Variants in LRPAP1 observed in about 807,000 individuals in gnomAD.
LRPAP1 encodes LDL receptor related protein associated protein 1, also known as alpha-2-macroglobulin receptor-associated protein.
Under a neutral mutation model 39.9 loss-of-function variants are expected in LRPAP1, and 41 were observed. The ratio of observed to expected loss-of-function variants is 1.03; its 90% CI spans 0.80 to 1.33. The LOEUF (loss-of-function observed/expected upper bound fraction) is 1.33, where lower values mean the gene tolerates loss of function less well. LRPAP1 is among the 40% of genes most tolerant of loss of function. The pLI, the probability that LRPAP1 is intolerant of heterozygous loss-of-function variation, is 0.00. For missense variants in LRPAP1, 565 were observed against 482.3 expected (o/e 1.17, Z -1.61); for synonymous variants, 263 against 212.7 (o/e 1.24, Z -2.06).
At chr4:3,518,822 G>T (rs1288834964) in intron 4 of LRPAP1, 49 bp downstream of exon 4, 3 of 1,250,702 alleles carry the variant, frequency 2.4e-6, no homozygotes, top group African/African-American at 3.0e-5. Flanking sequence ...GGGGTGGGGG[G>T]CAGGAGGGGG....
At position 3,520,104 on chromosome 4, in the gene LRPAP1, C is replaced by G; in HGVS notation, c.439G>C (p.Asp147His). ...SLSGTQEDGL[D>H]DPRLEKLWHK... ...CACAGCTTTTCCAGCCTGGGGTCAT[C>G]CAGCCCGTCTTCCTGGGTGCCACTG... The change falls in exon 3 of 8, where the codon GAT becomes CAT. Residue 147 changes from aspartate to histidine, a missense_variant. Transcript: ENST00000650182. The G allele has an allele frequency of 6.2e-7, 1 of 1,614,206 alleles. No individual in the cohort carries two copies. Among genetic ancestry groups the G allele is most frequent in the Non-Finnish European group, 8.5e-7 (1 of 1,180,028 alleles).
At chr4:3,513,144 C>T in intron 7 of LRPAP1, 108 bp from the exon 8 acceptor site, 1 of 780,556 alleles carries the variant, frequency 1.3e-6, no homozygotes. Context: ...AAGGCGCAAG[C>T]CCTGCACATC....
At position 3,512,630 on chromosome 4, in the gene LRPAP1, G is replaced by A. The variant is rs1329259899; in HGVS notation, c.*344C>T. 3.4e-6 allele frequency: 1 copy of A among 291,540 alleles called. No individual in the cohort carries two copies. Among genetic ancestry groups the A allele is most frequent in the Non-Finnish European group, 6.5e-6 (1 of 155,006 alleles). 18.1% of individuals were successfully genotyped at this position (291,540 alleles called of 1,614,324 possible). On this transcript the variant is annotated 3_prime_UTR_variant, in exon 8 of 8. Transcript: ENST00000650182. ...GCATGGTATTTCCGGTGGCAGATGTGTAAGATTTTTTATGTAAATCGTGTT... is the reference window on the plus strand; with the variant it reads ...GCATGGTATTTCCGGTGGCAGATGTATAAGATTTTTTATGTAAATCGTGTT...
In LRPAP1 at chr4:3,505,038, G is replaced by A. The variant is rs1310696968; in HGVS notation, c.*7936C>T. Reference sequence around the variant, plus strand: ...AGGAACAGACCATTGGAGACTTTAGGGATGGTTAGTGATACCAGAGGCTAA... The same window carrying A: ...AGGAACAGACCATTGGAGACTTTAGAGATGGTTAGTGATACCAGAGGCTAA... On this transcript the variant is annotated 3_prime_UTR_variant, in exon 8 of 8. Coordinates refer to ENST00000650182, the MANE Select transcript of LRPAP1 (RefSeq NM_002337.4). Among the ~76,000 whole-genome samples the A allele has an allele frequency of 6.6e-6, 1 of 152,170 alleles. No individual in the cohort carries two copies. Among genetic ancestry groups the A allele is most frequent in the Non-Finnish European group, 1.5e-5 (1 of 68,022 alleles).
At position 3,520,128 on chromosome 4, in the gene LRPAP1, T is replaced by C. The variant is rs1453612903; in HGVS notation, c.415A>G (p.Ser139Gly). The C allele has an allele frequency of 6.2e-7, 1 of 1,614,190 alleles. No individual in the cohort carries two copies. Among genetic ancestry groups the C allele is most frequent in the Non-Finnish European group, 8.5e-7 (1 of 1,180,024 alleles). Residue 139 changes from serine (S) to glycine (G), a missense_variant, in exon 3 of 8, where the codon AGT (serine) becomes GGT (glycine). By Grantham distance (56) the Ser-to-Gly change is moderately conservative (BLOSUM62 0). Transcript: ENST00000650182. ...TCCAGCCCGTCTTCCTGGGTGCCAC[T>C]GAGGGAGTTGCTGGTCACCTGCCGA... ...DARQVTSNSL[S>G]GTQEDGLDDP...
At chr4:3,525,452 C>A (rs545176445) in intron 1 of LRPAP1, among the ~76,000 whole-genome samples, 2 of 128,128 alleles carry the variant, frequency 1.6e-5, no homozygotes, top group South Asian at 5.9e-4. Flanking sequence ...CCTAGAAGTT[C>A]TTTTTTAAAA....
At position 3,522,677 on chromosome 4, in the gene LRPAP1, CCCTGCCTGGGG is replaced by C. The variant is rs1729952569; in HGVS notation, c.349+2219_349+2229del. On this transcript the variant is annotated intron_variant, in intron 2 of 7. Coordinates refer to ENST00000650182, the MANE Select transcript of LRPAP1 (RefSeq NM_002337.4). ...GGGAGGACGGACGCCGCCCCACACC[CCCTGCCTGGGG>C]AGGACAGACGCCGCCCCACACCCCC... Among the ~76,000 whole-genome samples, 2 of 108,300 alleles carry C rather than the reference CCCTGCCTGGGG, an allele frequency of 1.8e-5. 1 individual carries two copies. The highest frequency in any genetic ancestry group is 4.2e-5 in the Non-Finnish European group (2 of 47,722). 71.0% of individuals were successfully genotyped at this position (108,300 alleles called of 152,430 possible).
chr4:3,516,995 G>A (rs1051016694), intron 5 of LRPAP1, among the ~76,000 whole-genome samples: 9 of 152,224 alleles, frequency 5.9e-5, no homozygotes, highest in Admixed American at 2.6e-4. Flanking sequence ...GGGCTGAGTC[G>A]CCCTTTCCTG....
chr4:3,517,100 C>T (rs537315348), intron 5 of LRPAP1, among the ~76,000 whole-genome samples: 18 of 129,210 alleles, frequency 1.4e-4, no homozygotes, highest in South Asian at 2.9e-4. Flanking sequence ...CCCAGCACTA[C>T]GGCCAAAAGC....
At chr4:3,525,175 G>A (rs1426435381) in intron 1 of LRPAP1, 124 bp from the exon 2 acceptor site, 5 of 1,076,622 alleles carry the variant, frequency 4.6e-6, no homozygotes, top group African/African-American at 1.5e-5. Context: ...GTGGAGTCAG[G>A]GTCACTGTCA....
At position 3,532,198 on chromosome 4, in the gene LRPAP1, G is replaced by C; in HGVS notation, c.204+11C>G. On this transcript the variant is annotated intron_variant, in intron 1 of 7. Transcript: ENST00000650182. The stretch of plus-strand genomic sequence containing the variant: ...CCAGGCCCCGCTCCACCGACCGCGG[G>C]CCGCGCTCACTCGCTGGGCCTTCTC... 11 of 1,548,486 alleles carry C rather than the reference G, an allele frequency of 7.1e-6. No individual in the cohort carries two copies. The highest frequency in any genetic ancestry group is 8.7e-6 in the Non-Finnish European group (10 of 1,145,746).
Position 3,520,121 on chromosome 4 carries a change from G to C in LRPAP1, c.422C>G (p.Thr141Ser), listed in dbSNP as rs1408451516. 2 of 1,614,156 alleles carry C rather than the reference G, an allele frequency of 1.2e-6. No individual in the cohort carries two copies. Among genetic ancestry groups the C allele is most frequent in the Non-Finnish European group, 1.7e-6 (2 of 1,180,022 alleles). Reference sequence around the variant, plus strand: ...GGGGTCATCCAGCCCGTCTTCCTGGGTGCCACTGAGGGAGTTGCTGGTCAC... The same window carrying C: ...GGGGTCATCCAGCCCGTCTTCCTGGCTGCCACTGAGGGAGTTGCTGGTCAC... ...RQVTSNSLSG[T>S]QEDGLDDPRL... The change falls in exon 3 of 8, where the codon ACC (threonine) becomes AGC (serine). Residue 141 changes from threonine (T) to serine (S), a missense_variant. Coordinates refer to ENST00000650182, the MANE Select transcript of LRPAP1 (RefSeq NM_002337.4).
In LRPAP1 at chr4:3,518,959, T is replaced by A. The variant is rs771890752; in HGVS notation, c.504A>T (p.Glu168Asp). 5 of 1,613,910 alleles carry A rather than the reference T, an allele frequency of 3.1e-6. No homozygotes were observed. In the African/African-American group the frequency reaches 5.3e-5, roughly 17 times the overall value. Reference sequence around the variant, plus strand: ...GGAACTCCCGCCAGAGCTTGTCCAGTTCTTCGCCGGAGAATTTCCCAGAGG... The same window carrying A: ...GGAACTCCCGCCAGAGCTTGTCCAGATCTTCGCCGGAGAATTTCCCAGAGG... Reference protein sequence around the residue: ...AKTSGKFSGEELDKLWREFLH... With the variant: ...AKTSGKFSGEDLDKLWREFLH... Residue 168 changes from glutamate to aspartate, a missense_variant, in exon 4 of 8, where the codon GAA becomes GAT. Glu to Asp is a conservative substitution (Grantham distance 45, BLOSUM62 2). Coordinates refer to ENST00000650182, the MANE Select transcript of LRPAP1 (RefSeq NM_002337.4).
Position 3,525,226 on chromosome 4 carries a change from T to C in LRPAP1, c.205-175A>G, listed in dbSNP as rs1474527613. 7 of 662,460 alleles carry C rather than the reference T, an allele frequency of 1.1e-5. No homozygotes were observed. In the African/African-American group the frequency reaches 1.1e-4, roughly 10 times the overall value. 41.0% of individuals were successfully genotyped at this position (662,460 alleles called of 1,614,324 possible). A position where few individuals can be genotyped will look rare whatever the true frequency, so the allele number is the denominator to read the frequency against. On this transcript the variant is annotated intron_variant, in intron 1 of 7. Transcript: ENST00000650182. ...CACAGGTTTAGACAAGAACTCAACA[T>C]GGACACCAGTCTCTAGGCCTGTCTG...
Position 3,518,846 on chromosome 4 carries a change from A to G in LRPAP1, c.592+25T>C, listed in dbSNP as rs1205566677. The G allele has an allele frequency of 5.2e-6, 5 of 961,222 alleles. No homozygotes were observed. In the Admixed American group the frequency reaches 2.1e-4, roughly 40 times the overall value. 59.5% of individuals were successfully genotyped at this position (961,222 alleles called of 1,614,324 possible). A position where few individuals can be genotyped will look rare whatever the true frequency, so the allele number is the denominator to read the frequency against. On this transcript the variant is annotated intron_variant, in intron 4 of 7. Transcript: ENST00000650182. ...GGCAGGAGGGGGTGGGGCAGAGGGC[A>G]GGAGGGGGTGGGGGCGGGGGGCACC...
At chr4:3,522,561 C>A (rs554219603) in intron 2 of LRPAP1, among the ~76,000 whole-genome samples, 1 of 80,962 alleles carries the variant, frequency 1.2e-5, no homozygotes, top group African/African-American at 4.1e-5. Context: ...GGAGGACAGA[C>A]GCCACCCCAC....
chr4:3,525,056 G>A lies in LRPAP1; in HGVS notation c.205-5C>T, dbSNP rs756448955. The A allele has an allele frequency of 9.3e-6, 15 of 1,613,708 alleles. No individual in the cohort carries two copies. The highest frequency in any genetic ancestry group is 4.5e-5 in the East Asian group (2 of 44,876). ...CCTCACGGGAGGAAGATGCAGCTGC[G>A]AACGAAGGGGAGGAGCCTGTGAGCC... On this transcript the variant is annotated splice_polypyrimidine_tract_variant and splice_region_variant and intron_variant, in intron 1 of 7. Transcript: ENST00000650182.
intron 5 of LRPAP1, among the ~76,000 whole-genome samples, chr4:3,517,122 A>ACG (rs3838317): frequency 3.4e-5 from 5 of 148,930 alleles, no homozygotes; most frequent in Non-Finnish European, 7.4e-5. Flanking sequence ...TACGGCTGAC[A>ACG]GTCACCAGCA....
intron 1 of LRPAP1, among the ~76,000 whole-genome samples, chr4:3,529,681 G>C (rs1339012022): frequency 6.6e-6 from 1 of 152,170 alleles, no homozygotes; most frequent in African/African-American, 2.4e-5. Context: ...GGATGAAGCA[G>C]CACCCCCCTG....
Sources: gnomAD v4.1 joint callset for allele counts (sites outside exome capture counted in the v4.1 genomes callset) on GRCh38, gnomAD v4.1.1 for gene constraint, MANE v1.5 for transcripts, NCBI Gene and HGNC (gene_info 2026-07-23, HGNC 2026-07-21) for gene names.